The following DGKB variants were observed in gnomAD, a reference collection of about 807,000 sequenced individuals.
DGKB encodes the protein 90 kDa diacylglycerol kinase.
Under a neutral mutation model 114.3 loss-of-function variants are expected in DGKB, and 67 were observed. The observed-to-expected ratio is 0.59, with a 90% CI of 0.48 to 0.72. The LOEUF (loss-of-function observed/expected upper bound fraction) is 0.72. DGKB is among the 30% of genes least tolerant of loss of function. The pLI, the probability that DGKB is intolerant of heterozygous loss-of-function variation, is 0.00. For synonymous variants in DGKB, 398 were observed against 323.1 expected (o/e 1.23, Z -2.49); for missense variants, 907 against 975.2 (o/e 0.93, Z 0.93).
At chr7:14,281,263 A>G (rs1305484925) in intron 23 of DGKB, among the ~76,000 whole-genome samples, 4 of 151,902 alleles carry the variant, frequency 2.6e-5, no homozygotes, top group Non-Finnish European at 4.4e-5. Flanking sequence ...AGAGACAAAA[A>G]AGACCATTAC....
At chr7:14,486,360 G>C (rs12699621) in intron 20 of DGKB, among the ~76,000 whole-genome samples, 49,013 of 152,064 alleles carry the variant, frequency 0.32, 8,472 homozygotes, top group South Asian at 0.41. Flanking sequence ...AAAGTCTGTG[G>C]GAAACCACAT....
chr7:14,445,074 C>T (rs1470935199), intron 21 of DGKB, among the ~76,000 whole-genome samples: 1 of 151,724 alleles, frequency 6.6e-6, no homozygotes, highest in Admixed American at 6.6e-5. Context: ...CTATTGTTCC[C>T]ACCTCGGTCA....
At chr7:14,566,026 T>G (rs1396269263) in intron 20 of DGKB, among the ~76,000 whole-genome samples, 1 of 152,162 alleles carries the variant, frequency 6.6e-6, no homozygotes, top group Admixed American at 6.6e-5. Context: ...AAGAGTCGCT[T>G]GTGTTGTTTC....
At chr7:14,281,074 T>G (rs1298546116) in intron 23 of DGKB, among the ~76,000 whole-genome samples, 1 of 147,898 alleles carries the variant, frequency 6.8e-6, no homozygotes, top group Non-Finnish European at 1.5e-5. Flanking sequence ...GCAAATTGGA[T>G]AAAGAGTCAA....
At chr7:14,513,794 G>GT (rs1441197761) in intron 20 of DGKB, among the ~76,000 whole-genome samples, 3 of 151,928 alleles carry the variant, frequency 2.0e-5, no homozygotes, top group Admixed American at 2.0e-4. Context: ...AAGTTAAAAA[G>GT]TGTAGAATTA....
intron 1 of DGKB, among the ~76,000 whole-genome samples, chr7:14,958,113 T>G (rs1786619362): frequency 6.6e-6 from 1 of 152,024 alleles, no homozygotes; most frequent in African/African-American, 2.4e-5. Context: ...TCAAACAATT[T>G]TGGCAGCATC....
intron 6 of DGKB, among the ~76,000 whole-genome samples, chr7:14,703,028 C>A (rs1164121145): frequency 6.9e-6 from 1 of 145,096 alleles, no homozygotes; most frequent in Non-Finnish European, 1.5e-5. Flanking sequence ...TATTGTAAAT[C>A]ATGGTAATGA....
chr7:14,296,371 A>G (rs1802567621), intron 23 of DGKB, among the ~76,000 whole-genome samples: 1 of 152,076 alleles, frequency 6.6e-6, no homozygotes, highest in Non-Finnish European at 1.5e-5. Context: ...TCCATGGTAT[A>G]TTTGTGCCAC....
At chr7:14,704,460 A>AAAG (rs1554610485) in intron 6 of DGKB, among the ~76,000 whole-genome samples, 1 of 149,880 alleles carries the variant, frequency 6.7e-6, no homozygotes, top group Admixed American at 6.6e-5. Flanking sequence ...AAAAAAAAAA[A>AAAG]AAAAGAAAAA....
At chr7:14,698,498 C>A (rs1416793686) in intron 7 of DGKB, among the ~76,000 whole-genome samples, 1 of 152,078 alleles carries the variant, frequency 6.6e-6, no homozygotes, top group Non-Finnish European at 1.5e-5. Context: ...TTTTAAGACA[C>A]TGAATTCCCT....
chr7:14,228,478 T>C (rs1259972506), intron 23 of DGKB, among the ~76,000 whole-genome samples: 1 of 152,012 alleles, frequency 6.6e-6, no homozygotes, highest in Admixed American at 6.6e-5. Flanking sequence ...GAAGAGACAC[T>C]AAATTTAATA....
At chr7:14,934,328 G>T (rs1286579222) in intron 1 of DGKB, among the ~76,000 whole-genome samples, 1 of 152,098 alleles carries the variant, frequency 6.6e-6, no homozygotes, top group East Asian at 1.9e-4. Flanking sequence ...ATGTATTTTT[G>T]TGTTGATGGT....
At chr7:14,509,006 G>T (rs1378731040) in intron 20 of DGKB, among the ~76,000 whole-genome samples, 5 of 152,114 alleles carry the variant, frequency 3.3e-5, no homozygotes, top group Non-Finnish European at 7.4e-5. Context: ...CCTTTCAAAA[G>T]TGAGTCTTTA....
intron 23 of DGKB, among the ~76,000 whole-genome samples, chr7:14,302,360 C>G (rs1050059560): frequency 6.6e-6 from 1 of 151,934 alleles, no homozygotes; most frequent in Non-Finnish European, 1.5e-5. Flanking sequence ...GATAAATCAG[C>G]AAGTGTATAT....
intron 20 of DGKB, among the ~76,000 whole-genome samples, chr7:14,531,675 A>G (rs1791606439): frequency 6.6e-6 from 1 of 150,674 alleles, no homozygotes; most frequent in Non-Finnish European, 1.5e-5. Flanking sequence ...TTTTTTTTTG[A>G]GAAATCAACA....
chr7:14,490,017 T>C (rs1784387470), intron 20 of DGKB, among the ~76,000 whole-genome samples: 2 of 152,246 alleles, frequency 1.3e-5, no homozygotes, highest in Admixed American at 1.3e-4. Flanking sequence ...TCTATAACAT[T>C]CATTAACTCA....
intron 20 of DGKB, among the ~76,000 whole-genome samples, chr7:14,554,394 T>C (rs986921741): frequency 1.3e-5 from 2 of 152,300 alleles, no homozygotes; most frequent in South Asian, 4.1e-4. Flanking sequence ...ATGTTAAATT[T>C]TGGGGACCTC....
intron 2 of DGKB, among the ~76,000 whole-genome samples, chr7:14,769,070 T>TAGGA (rs1219591552): frequency 3.6e-5 from 3 of 84,268 alleles, no homozygotes; most frequent in African/African-American, 9.8e-5. Flanking sequence ...TTTTTAAAGA[T>TAGGA]AAGAAAGAAA....
intron 6 of DGKB, among the ~76,000 whole-genome samples, chr7:14,703,127 G>A (rs1441972420): frequency 6.6e-6 from 1 of 152,214 alleles, no homozygotes; most frequent in East Asian, 1.9e-4. Context: ...AGATTGTAGT[G>A]CAGCAGCAAA....
Sources: gnomAD v4.1 joint callset for allele counts (sites outside exome capture counted in the v4.1 genomes callset) on GRCh38, gnomAD v4.1.1 for gene constraint, MANE v1.5 for transcripts, NCBI Gene and HGNC (gene_info 2026-07-23, HGNC 2026-07-21) for gene names.